The following SCNN1B variants were observed in gnomAD, a reference collection of about 807,000 sequenced individuals.
SCNN1B encodes the protein epithelial sodium channel subunit beta.
SCNN1B carries 46 observed loss-of-function variants against 65.3 expected under a neutral mutation model. The observed-to-expected ratio is 0.70, with a 90% CI of 0.56 to 0.90. The LOEUF is 0.90. Ranked by LOEUF, SCNN1B falls within the 40% of genes least tolerant of loss-of-function variation. SCNN1B has a pLI of 0.00. For missense variants in SCNN1B, 751 were observed against 830.5 expected (o/e 0.90, Z 1.18); for synonymous variants, 349 against 330.6 (o/e 1.06, Z -0.60).
At chr16:23,360,858 T>G (rs1052103095) in intron 4 of SCNN1B, among the ~76,000 whole-genome samples, 1 of 151,596 alleles carries the variant, frequency 6.6e-6, no homozygotes, top group African/African-American at 2.4e-5. Context: ...ACAGTGGCAC[T>G]ATCTCGGCTC....
intron 8 of SCNN1B, among the ~76,000 whole-genome samples, chr16:23,376,212 T>C (rs1200588756): frequency 6.6e-6 from 1 of 152,192 alleles, no homozygotes; most frequent in African/African-American, 2.4e-5. Flanking sequence ...AGTGCACAAG[T>C]GCAAAGGCAT....
At chr16:23,296,952 A>C (rs571784904) in intron 2 of SCNN1B, among the ~76,000 whole-genome samples, 1 of 148,176 alleles carries the variant, frequency 6.7e-6, no homozygotes, top group African/African-American at 2.5e-5. Context: ...TCGCCACTGC[A>C]CTCCAGCCTG....
At chr16:23,374,114 C>T (rs759377301) in intron 7 of SCNN1B, among the ~76,000 whole-genome samples, 14 of 151,912 alleles carry the variant, frequency 9.2e-5, no homozygotes, top group Admixed American at 2.6e-4. Flanking sequence ...GAATATAAGA[C>T]GCCTTGGTGG....
intron 2 of SCNN1B, among the ~76,000 whole-genome samples, chr16:23,295,566 G>A (rs1050219687): frequency 2.7e-5 from 4 of 148,606 alleles, no homozygotes; most frequent in African/African-American, 1.0e-4. Flanking sequence ...TGCCCAGACT[G>A]GTCTCGAACT....
At position 23,374,295 on chromosome 16, in the gene SCNN1B, C is replaced by T. The variant is rs919095001; in HGVS notation, c.1153-1443C>T. ...AAAAAAAAAAAAAAAAAAAAGAGGC[C>T]GGGCGCGATGGCTCACACCTGTAAT... On this transcript the variant is annotated intron_variant, in intron 7 of 12. Coordinates refer to ENST00000343070, the MANE Select transcript of SCNN1B (RefSeq NM_000336.3). Among the ~76,000 whole-genome samples the T allele has an allele frequency of 4.8e-4, 44 of 91,802 alleles. No individual in the cohort carries two copies. The South Asian group carries it at 0.013, about 27-fold the overall frequency. 60.2% of individuals were successfully genotyped at this position (91,802 alleles called of 152,430 possible).
intron 1 of SCNN1B, among the ~76,000 whole-genome samples, chr16:23,333,672 G>T (rs1350999938): frequency 6.6e-6 from 1 of 152,148 alleles, no homozygotes; most frequent in African/African-American, 2.4e-5. Flanking sequence ...ATTTGCAGAT[G>T]ATAAAATTAA....
intron 1 of SCNN1B, among the ~76,000 whole-genome samples, chr16:23,347,729 G>A (rs919424610): frequency 6.6e-6 from 1 of 152,086 alleles, no homozygotes; most frequent in African/African-American, 2.4e-5. Context: ...GCAACACGGT[G>A]AAACCCCGTC....
intron 7 of SCNN1B, among the ~76,000 whole-genome samples, chr16:23,373,021 T>A (rs1190159783): frequency 6.6e-6 from 1 of 151,918 alleles, no homozygotes; most frequent in Non-Finnish European, 1.5e-5. Flanking sequence ...GCAAGAGAAT[T>A]GCTTGAACCC....
At chr16:23,311,154 T>A (rs1439664184) in intron 1 of SCNN1B, among the ~76,000 whole-genome samples, 1 of 152,244 alleles carries the variant, frequency 6.6e-6, no homozygotes, top group Non-Finnish European at 1.5e-5. Context: ...TATCTCTGCA[T>A]TGGGCACAAC....
intron 2 of SCNN1B, among the ~76,000 whole-genome samples, chr16:23,289,697 G>A (rs1960896773): frequency 7.0e-6 from 1 of 141,950 alleles, no homozygotes. Flanking sequence ...TTTTTTTGAG[G>A]CAGAGTCTCA....
chr16:23,287,071 C>T (rs117782340), intron 2 of SCNN1B, among the ~76,000 whole-genome samples: 5,458 of 148,452 alleles, frequency 0.037, 140 homozygotes, highest in Non-Finnish European at 0.052. Context: ...ATGGGGTGAT[C>T]TCCACTCACT....
At chr16:23,283,402 C>A (rs545249408) in intron 1 of SCNN1B, among the ~76,000 whole-genome samples, 62 of 152,184 alleles carry the variant, frequency 4.1e-4, no homozygotes, top group Non-Finnish European at 8.1e-4. Context: ...CAGAGCAAGA[C>A]TCCATCTCCA....
chr16:23,314,788 G>T (rs1037880611), intron 1 of SCNN1B, among the ~76,000 whole-genome samples: 3 of 152,210 alleles, frequency 2.0e-5, no homozygotes, highest in Non-Finnish European at 2.9e-5. Flanking sequence ...CCTTCAGGGC[G>T]CCACATTCCC....
intron 1 of SCNN1B, among the ~76,000 whole-genome samples, chr16:23,330,574 G>A (rs1170795319): frequency 6.6e-6 from 1 of 151,946 alleles, no homozygotes; most frequent in Non-Finnish European, 1.5e-5. Context: ...TTGTCTTTTT[G>A]TTTTTTGGGT....
At chr16:23,307,323 G>A (rs1361102193) in intron 1 of SCNN1B, among the ~76,000 whole-genome samples, 3 of 114,070 alleles carry the variant, frequency 2.6e-5, no homozygotes, top group African/African-American at 1.1e-4. Context: ...TTTGGTGGTT[G>A]TGGGGTGGTG....
Position 23,348,867 on chromosome 16 carries a change from A to G in SCNN1B, c.268A>G (p.Met90Val), listed in dbSNP as rs150466803. The change falls in exon 2 of 13, where the codon ATG becomes GTG. Residue 90 changes from methionine to valine, a missense_variant. Coordinates refer to ENST00000343070, the MANE Select transcript of SCNN1B (RefSeq NM_000336.3). This position sits in a 1 kb window ranked among gnomAD's most constrained non-coding sequence, Gnocchi z 4.5. ...SVSLSVGFKT[M>V]DFPAVTICNA... is the part of the protein sequence containing the mutation. ...CTCCCTCTCCGTAGGCTTCAAGACC[A>G]TGGACTTCCCTGCCGTCACCATCTG... The G allele has an allele frequency of 2.7e-5, 44 of 1,614,046 alleles. No individual in the cohort carries two copies. In the East Asian group the frequency reaches 3.6e-4, roughly 13 times the overall value.
chr16:23,285,022 A>G (rs1960830736), intron 2 of SCNN1B, among the ~76,000 whole-genome samples: 1 of 152,196 alleles, frequency 6.6e-6, no homozygotes, highest in Non-Finnish European at 1.5e-5. Context: ...AATTTGGACC[A>G]TTTTTTAGTA....
rs1289030111 is a variant in SCNN1B at position 23,352,884 on chromosome 16, G to A, written c.395G>A (p.Ser132Asn). 6.2e-7 allele frequency: 1 copy of A among 1,614,044 alleles called. No individual in the cohort carries two copies. Among genetic ancestry groups the A allele is most frequent in the Non-Finnish European group, 8.5e-7 (1 of 1,180,050 alleles). ...GAGAGAATCCTGGCTCCTGAGCTAAGCCATGCCAATGCCACCAGGAACCTG... is the reference window on the plus strand; with the variant it reads ...GAGAGAATCCTGGCTCCTGAGCTAAACCATGCCAATGCCACCAGGAACCTG... ...VLERILAPEL[S>N]HANATRNLNF... is the part of the protein sequence containing the mutation. Residue 132 changes from serine to asparagine, a missense_variant, in exon 3 of 13, where the codon AGC (serine) becomes AAC (asparagine). Transcript: ENST00000343070.
chr16:23,333,209 GGA>G, intron 1 of SCNN1B, among the ~76,000 whole-genome samples: 1 of 91,234 alleles, frequency 1.1e-5, no homozygotes, highest in African/African-American at 4.6e-5. Flanking sequence ...AAGGAAGGAA[GGA>G]AGAAAGAAAA....
Sources: gnomAD v4.1 joint callset for allele counts (sites outside exome capture counted in the v4.1 genomes callset) on GRCh38, gnomAD v4.1.1 for gene constraint, Gnocchi (gnomAD v3.1) non-coding constraint, MANE v1.5 for transcripts, NCBI Gene and HGNC (gene_info 2026-07-23, HGNC 2026-07-21) for gene names.